NMBR: variants seen among roughly 807,000 people sequenced by gnomAD.
The protein encoded by NMBR is neuromedin B receptor.
Under a neutral mutation model 20.5 loss-of-function variants are expected in NMBR, and 16 were observed. That is an observed-to-expected ratio of 0.78 (90% CI 0.53 to 1.19). The LOEUF is 1.19. NMBR is among the 50% of genes most tolerant of loss of function. NMBR has a pLI of 0.00. For missense variants in NMBR, 582 were observed against 499.1 expected (o/e 1.17, Z -1.58); for synonymous variants, 212 against 196.6 (o/e 1.08, Z -0.65).
At position 142,079,026 on chromosome 6, in the gene NMBR, G is replaced by GAA. The variant is rs1307672068; in HGVS notation, c.423-124_423-123insTT. 7.6e-6 allele frequency: 4 copies of GAA among 525,668 alleles called. No individual in the cohort carries two copies. In the African/African-American group the frequency reaches 7.7e-5, roughly 10 times the overall value. 32.6% of individuals were successfully genotyped at this position (525,668 alleles called of 1,614,324 possible). ...AGAGAAAGGAAGAAAGGGAGAGAGAGAGAAAGAAAGAAAGAGAGAAAGAAA... is the reference window on the plus strand; with the variant it reads ...AGAGAAAGGAAGAAAGGGAGAGAGAGAAAGAAAGAAAGAAAGAGAGAAAGAAA... On this transcript the variant is annotated intron_variant, in intron 2 of 3. Transcript: ENST00000258042.
chr6:142,087,225 TAC>T (rs930490774), intron 2 of NMBR, among the ~76,000 whole-genome samples: 2 of 152,186 alleles, frequency 1.3e-5, no homozygotes, highest in African/African-American at 4.8e-5. Flanking sequence ...GAAATTCAGA[TAC>T]AGACTTATTT....
In NMBR at chr6:142,075,758, G is replaced by C. The variant is rs932025273; in HGVS notation, c.1063C>G (p.Leu355Val). The C allele has an allele frequency of 2.5e-6, 4 of 1,613,972 alleles. No individual in the cohort carries two copies. The African/African-American group carries it at 5.3e-5, about 22-fold the overall frequency. Reference sequence around the variant, plus strand: ...GTCATACGCACCGCTGAAGAGCTGAGTAGGTAGCTGGTTCCTCTCTCTTGA... The same window carrying C: ...GTCATACGCACCGCTGAAGAGCTGACTAGGTAGCTGGTTCCTCTCTCTTGA... ...SYQERGTSYL[L>V]SSSAVRMTSL... The change falls in exon 4 of 4, where the codon CTC becomes GTC. Residue 355 changes from leucine to valine, a missense_variant. Physicochemically the swap from Leu to Val is conservative, Grantham distance 32 (BLOSUM62 1). Coordinates refer to ENST00000258042, the MANE Select transcript of NMBR (RefSeq NM_002511.4).
At chr6:142,080,270 G>T (rs9496258) in intron 2 of NMBR, among the ~76,000 whole-genome samples, 5 of 145,924 alleles carry the variant, frequency 3.4e-5, no homozygotes, top group African/African-American at 1.3e-4. Flanking sequence ...TTTTTATAGT[G>T]TCCTATTCCT....
At chr6:142,115,312 G>T (rs1391089334) in intron 1 of NMBR, among the ~76,000 whole-genome samples, 1 of 152,064 alleles carries the variant, frequency 6.6e-6, no homozygotes, top group East Asian at 1.9e-4. Context: ...GAGGGTAAAA[G>T]AGGATCTTTT....
At chr6:142,126,451 G>T (rs1778039785) in intron 1 of NMBR, among the ~76,000 whole-genome samples, 1 of 151,736 alleles carries the variant, frequency 6.6e-6, no homozygotes, top group Non-Finnish European at 1.5e-5. Context: ...GAATTATTAA[G>T]GTAGCTCTAT....
rs891512475 is a variant in NMBR at position 142,105,572 on chromosome 6, T to G, written c.-663-16251A>C. 2.2e-4 allele frequency among the ~76,000 whole-genome samples: 33 copies of G among 152,228 alleles called. 1 individual carries two copies. Among genetic ancestry groups the G allele is most frequent in the Admixed American group, 2.1e-3 (32 of 15,278 alleles). ...ACTCCTTCAATTTGAAACCTGTAAC[T>G]TCAAACTAGACAAAATTTTTAAACA... On this transcript the variant is annotated intron_variant, in intron 1 of 3. Coordinates refer to ENST00000258042, the MANE Select transcript of NMBR (RefSeq NM_002511.4).
intron 1 of NMBR, among the ~76,000 whole-genome samples, chr6:142,116,002 T>C (rs1228580457): frequency 1.3e-5 from 2 of 151,914 alleles, no homozygotes; most frequent in Admixed American, 6.6e-5. Flanking sequence ...TCTCTGATAG[T>C]GAATTAGTCT....
intron 2 of NMBR, among the ~76,000 whole-genome samples, 183 bp from the exon 3 acceptor site, chr6:142,079,086 A>AAGAGAGAAAG (rs1554257054): frequency 5.3e-5 from 6 of 112,686 alleles, no homozygotes; most frequent in East Asian, 5.6e-4. Flanking sequence ...GAAAGAAAGA[A>AAGAGAGAAAG]AGAGAGAAAG....
At chr6:142,102,097 G>C (rs544971222) in intron 1 of NMBR, among the ~76,000 whole-genome samples, 1 of 152,078 alleles carries the variant, frequency 6.6e-6, no homozygotes, top group Non-Finnish European at 1.5e-5. Context: ...GAGCTAAAGA[G>C]TCTACTTGCA....
chr6:142,132,448 C>T (rs985844307), intron 1 of NMBR, among the ~76,000 whole-genome samples: 2 of 152,142 alleles, frequency 1.3e-5, no homozygotes, highest in Non-Finnish European at 2.9e-5. Context: ...AGCTCCTGGC[C>T]TTGCCTTAAT....
intron 1 of NMBR, among the ~76,000 whole-genome samples, chr6:142,094,141 G>C (rs1159721352): frequency 2.0e-5 from 3 of 152,002 alleles, no homozygotes; most frequent in Non-Finnish European, 4.4e-5. Context: ...CTGTGCCGAA[G>C]CTCTTTAGTT....
At chr6:142,099,926 C>A (rs571312115) in intron 1 of NMBR, among the ~76,000 whole-genome samples, 1 of 151,944 alleles carries the variant, frequency 6.6e-6, no homozygotes, top group Non-Finnish European at 1.5e-5. Flanking sequence ...GACATCTCAC[C>A]AAAGAAGATA....
chr6:142,088,140 T>G (rs1777234253), intron 2 of NMBR, 97 bp downstream of exon 2: 1 of 1,237,712 alleles, frequency 8.1e-7, no homozygotes, highest in East Asian at 2.5e-5. Context: ...AACCTTTCCT[T>G]GCGTCCTTCT....
chr6:142,135,556 A>T (rs930536178), intron 1 of NMBR, among the ~76,000 whole-genome samples: 2 of 151,826 alleles, frequency 1.3e-5, no homozygotes, highest in Admixed American at 1.3e-4. Flanking sequence ...CAGGTTAGTT[A>T]CATATGTATA....
chr6:142,137,012 G>C (rs550066793), intron 1 of NMBR, among the ~76,000 whole-genome samples: 1 of 152,086 alleles, frequency 6.6e-6, no homozygotes, highest in South Asian at 2.1e-4. Context: ...TTTTAAAGTC[G>C]TTTTTTCCAA....
intron 1 of NMBR, among the ~76,000 whole-genome samples, chr6:142,093,493 T>C (rs1777378098): frequency 6.6e-6 from 1 of 151,938 alleles, no homozygotes. Context: ...CATCATTTTT[T>C]ATGGCTGCAT....
intron 1 of NMBR, among the ~76,000 whole-genome samples, chr6:142,093,018 G>C (rs1777359578): frequency 6.6e-6 from 1 of 152,094 alleles, no homozygotes; most frequent in South Asian, 2.1e-4. Flanking sequence ...TATTGTGTTT[G>C]TAGTTAGGAA....
chr6:142,100,068 A>G (rs1167168912), intron 1 of NMBR, among the ~76,000 whole-genome samples: 1 of 152,240 alleles, frequency 6.6e-6, no homozygotes, highest in African/African-American at 2.4e-5. Context: ...AACACTGCCA[A>G]CTTTAAATGC....
At chr6:142,092,284 A>G (rs954174417) in intron 1 of NMBR, among the ~76,000 whole-genome samples, 1 of 152,202 alleles carries the variant, frequency 6.6e-6, no homozygotes, top group African/African-American at 2.4e-5. Context: ...GTAGATAAGG[A>G]AACAACACTC....
Sources: allele counts gnomAD v4.1 joint callset (sites outside exome capture counted in the v4.1 genomes callset), GRCh38; gene constraint gnomAD v4.1.1; transcripts MANE v1.5; gene names NCBI Gene and HGNC (gene_info 2026-07-23, HGNC 2026-07-21).